The following ANKFY1 variants were observed in gnomAD, a reference collection of about 807,000 sequenced individuals.
ANKFY1 encodes the protein ankyrin repeat and FYVE domain-containing protein 1.
ANKFY1 carries 47 observed loss-of-function variants against 128.3 expected under a neutral mutation model. That is an observed-to-expected ratio of 0.37 (90% CI 0.29 to 0.47). ANKFY1 has a LOEUF of 0.47. ANKFY1 is among the 20% of genes least tolerant of loss of function. The pLI is 1.00. For synonymous variants in ANKFY1, 553 were observed against 601.6 expected, an observed-to-expected ratio of 0.92 and a Z score of 1.18; for missense variants, 1,222 against 1,510.6, an observed-to-expected ratio of 0.81 and a Z score of 3.17.
intron 3 of ANKFY1, among the ~76,000 whole-genome samples, chr17:4,224,649 C>G (rs1467493589): frequency 7.0e-6 from 1 of 142,788 alleles, no homozygotes; most frequent in Non-Finnish European, 1.6e-5. Context: ...ACTGCCCTTG[C>G]ATGGAAAACT....
intron 7 of ANKFY1, among the ~76,000 whole-genome samples, chr17:4,199,268 C>A (rs1416706112): frequency 6.6e-6 from 1 of 152,256 alleles, no homozygotes; most frequent in East Asian, 1.9e-4. Context: ...CGGCTCATTG[C>A]AGACTCAACT....
At chr17:4,219,882 C>T (rs539952155) in intron 3 of ANKFY1, among the ~76,000 whole-genome samples, 18 of 151,962 alleles carry the variant, frequency 1.2e-4, no homozygotes, top group Admixed American at 3.9e-4. Flanking sequence ...AGTGCAGTGG[C>T]GCGATCTGAG....
intron 1 of ANKFY1, among the ~76,000 whole-genome samples, chr17:4,243,872 G>A (rs1199269866): frequency 6.6e-6 from 1 of 152,148 alleles, no homozygotes; most frequent in Non-Finnish European, 1.5e-5. Context: ...ACGATGGTAA[G>A]TGCACTCTGA....
chr17:4,262,143 A>T (rs903312871), intron 1 of ANKFY1, among the ~76,000 whole-genome samples: 10 of 152,194 alleles, frequency 6.6e-5, no homozygotes, highest in African/African-American at 2.4e-4. Context: ...CCTGGGTGAC[A>T]TAGTGTGACC....
intron 1 of ANKFY1, among the ~76,000 whole-genome samples, chr17:4,257,598 T>G (rs1785355771): frequency 6.6e-6 from 1 of 152,214 alleles, no homozygotes; most frequent in Non-Finnish European, 1.5e-5. Flanking sequence ...TTTCCCTGAT[T>G]ATCCAAAATA....
intron 2 of ANKFY1, among the ~76,000 whole-genome samples, chr17:4,238,646 G>T (rs934196611): frequency 6.6e-6 from 1 of 151,800 alleles, no homozygotes; most frequent in Non-Finnish European, 1.5e-5. Context: ...GCCTATTTTT[G>T]TATTTTTAGT....
chr17:4,206,233 A>G, intron 7 of ANKFY1, 88 bp downstream of exon 7: 1 of 1,448,900 alleles, frequency 6.9e-7, no homozygotes. Context: ...AGCCTTTGAG[A>G]ATTTTGGGAA....
rs185021048 is a variant in ANKFY1 at position 4,226,700 on chromosome 17, G to A, written c.322+9072C>T. On this transcript the variant is annotated intron_variant, in intron 3 of 24. Coordinates refer to ENST00000341657, the MANE Select transcript of ANKFY1 (RefSeq NM_001330063.2). ...AGAGGTTGCAGTGAGCTGAGATAGC[G>A]CCACTGCACTCCAGCCTGGGCGACA... 2.2e-4 allele frequency among the ~76,000 whole-genome samples: 33 copies of A among 147,312 alleles called. 1 individual carries two copies. In the East Asian group the frequency reaches 4.2e-3, roughly 19 times the overall value.
intron 4 of ANKFY1, among the ~76,000 whole-genome samples, chr17:4,213,409 G>GT (rs2060169999): frequency 1.3e-5 from 2 of 151,768 alleles, no homozygotes; most frequent in African/African-American, 4.8e-5. Context: ...TGGGTGCTTT[G>GT]TTTTTAATTA....
intron 3 of ANKFY1, among the ~76,000 whole-genome samples, chr17:4,235,342 A>AAG (rs1488067908): frequency 6.6e-6 from 1 of 150,388 alleles, no homozygotes; most frequent in Non-Finnish European, 1.5e-5. Flanking sequence ...CTCTGTCTCA[A>AAG]AAAAAAAAAA....
At chr17:4,241,952 G>A (rs1967253727) in intron 2 of ANKFY1, among the ~76,000 whole-genome samples, 2 of 151,842 alleles carry the variant, frequency 1.3e-5, no homozygotes, top group Non-Finnish European at 2.9e-5. Flanking sequence ...AGCCGGGCAC[G>A]GTGGTGGGCA....
intron 22 of ANKFY1, among the ~76,000 whole-genome samples, chr17:4,172,285 G>T (rs968544825): frequency 6.6e-6 from 1 of 152,180 alleles, no homozygotes; most frequent in Admixed American, 6.5e-5. Context: ...CTGGACAAAA[G>T]GCAAATGAGG....
chr17:4,179,818 G>T lies in ANKFY1; in HGVS notation c.2300C>A (p.Ala767Asp). 1.2e-6 allele frequency: 2 copies of T among 1,614,204 alleles called. No homozygotes were observed. Among genetic ancestry groups the T allele is most frequent in the Non-Finnish European group, 1.7e-6 (2 of 1,180,046 alleles). The change falls in exon 17 of 25, where the codon GCT becomes GAT. Residue 767 changes from alanine (A) to aspartate (D), a missense_variant. Transcript: ENST00000341657. The stretch of plus-strand genomic sequence containing the variant: ...ATGCAAAGGGGTCTGCCCATCTCTA[G>T]CCTCTTCCTCTCCTTCTCCATTGGC... ...PGANGEGEEEARDGQTPLHLA... is the reference protein window; with the variant it reads ...PGANGEGEEEDRDGQTPLHLA...
chr17:4,230,516 A>G (rs1452487690), intron 3 of ANKFY1, among the ~76,000 whole-genome samples: 4 of 152,212 alleles, frequency 2.6e-5, no homozygotes, highest in African/African-American at 9.7e-5. Context: ...TACTTCACCA[A>G]GAAGTAAATA....
chr17:4,187,658 G>GT (rs914141836), intron 11 of ANKFY1: 88 of 169,696 alleles, frequency 5.2e-4, no homozygotes, highest in Middle Eastern at 2.5e-3. Flanking sequence ...CCCAAGGGAG[G>GT]TTTTTTTTTG....
chr17:4,170,595 A>G, intron 23 of ANKFY1, 120 bp downstream of exon 23: 1 of 1,380,828 alleles, frequency 7.2e-7, no homozygotes, highest in East Asian at 2.3e-5. Flanking sequence ...AGCTACTGCC[A>G]GGAAACGAGC....
At position 4,167,735 on chromosome 17, in the gene ANKFY1, G is replaced by A. The variant is rs1356652884; in HGVS notation, c.*44C>T. Reference sequence around the variant, plus strand: ...CAGGCTGGTGAGCAGAGCAGCTGCTGGGGAGGTGACCAAGGACGTGGCCTG... The same window carrying A: ...CAGGCTGGTGAGCAGAGCAGCTGCTAGGGAGGTGACCAAGGACGTGGCCTG... On this transcript the variant is annotated 3_prime_UTR_variant, in exon 25 of 25. Coordinates refer to ENST00000341657, the MANE Select transcript of ANKFY1 (RefSeq NM_001330063.2). This position sits in a 1 kb window ranked among gnomAD's most constrained non-coding sequence, Gnocchi z 4.1. 1 of 1,571,152 alleles carries A rather than the reference G, an allele frequency of 6.4e-7. No homozygotes were observed.
chr17:4,230,543 G>C (rs1028403961), intron 3 of ANKFY1, among the ~76,000 whole-genome samples: 1 of 152,024 alleles, frequency 6.6e-6, no homozygotes, highest in Non-Finnish European at 1.5e-5. Context: ...TTTCCTTGTG[G>C]ACTCAGATTT....
chr17:4,236,453 T>A (rs1283944643), intron 2 of ANKFY1, among the ~76,000 whole-genome samples: 1 of 152,246 alleles, frequency 6.6e-6, no homozygotes, highest in Admixed American at 6.5e-5. Flanking sequence ...TTTACTCAAC[T>A]ACTTATAAAA....
Sources: gnomAD v4.1 joint callset for allele counts (sites outside exome capture counted in the v4.1 genomes callset) on GRCh38, gnomAD v4.1.1 for gene constraint, Gnocchi (gnomAD v3.1) non-coding constraint, MANE v1.5 for transcripts, NCBI Gene and HGNC (gene_info 2026-07-23, HGNC 2026-07-21) for gene names.